Variants in EDA observed in about 807,000 individuals in gnomAD.
EDA encodes ectodysplasin-A.
EDA carries 2 observed loss-of-function variants against 23.6 expected under a neutral mutation model. The ratio of observed to expected loss-of-function variants is 0.08; its 90% CI spans 0.03 to 0.27. The LOEUF (loss-of-function observed/expected upper bound fraction) is 0.27, where lower values mean the gene tolerates loss of function less well. Among genes scored for constraint, EDA ranks in the 10% least tolerant of loss-of-function variants. The probability of loss-of-function intolerance (pLI) is 1.00; values close to 1 mark genes in which losing one functional copy is unlikely to be tolerated. For missense variants in EDA, 229 were observed against 324.2 expected (o/e 0.71, Z 2.26); for synonymous variants, 131 against 132.0 (o/e 0.99, Z 0.05).
chrX:70,025,426 A>G (rs73226497), intron 3 of EDA, among the ~76,000 whole-genome samples: 18,988 of 110,550 alleles, frequency 0.17, 1,625 homozygotes, highest in Middle Eastern at 0.33. Context: ...AAACCTTACA[A>G]CCAGGCTAAG....
chrX:69,758,527 A>G (rs373834396), intron 1 of EDA, among the ~76,000 whole-genome samples: 2 of 112,601 alleles, frequency 1.8e-5, no homozygotes, highest in African/African-American at 3.2e-5. Context: ...ATGCTTAAGT[A>G]CAAACTTAAA....
At chrX:69,728,509 T>A (rs1266287687) in intron 1 of EDA, among the ~76,000 whole-genome samples, 2 of 112,179 alleles carry the variant, frequency 1.8e-5, no homozygotes, top group East Asian at 2.8e-4. Flanking sequence ...TATTCAGGGA[T>A]CAAATATAAT....
At chrX:69,736,096 C>T (rs371632360) in intron 1 of EDA, among the ~76,000 whole-genome samples, 2 of 108,871 alleles carry the variant, frequency 1.8e-5, no homozygotes, top group South Asian at 4.2e-4. Context: ...CACCTGAGGT[C>T]GGGAGTTCAA....
chrX:69,788,674 G>C (rs966253049), intron 1 of EDA, among the ~76,000 whole-genome samples: 2 of 112,468 alleles, frequency 1.8e-5, no homozygotes, highest in Non-Finnish European at 3.8e-5. Flanking sequence ...TGCGTGCTGG[G>C]AGAACCACTG....
intron 1 of EDA, among the ~76,000 whole-genome samples, chrX:69,707,956 TGG>T (rs1489427420): frequency 3.6e-5 from 4 of 111,396 alleles, no homozygotes; most frequent in Non-Finnish European, 7.5e-5. Flanking sequence ...AACAAATTTG[TGG>T]AGCCCAGAAT....
At chrX:70,033,620 T>G in intron 7 of EDA, 92 bp downstream of exon 7, 1 of 1,043,362 alleles carries the variant, frequency 9.6e-7, no homozygotes. Context: ...GCCAAGACCA[T>G]CCAATGGCTA....
At chrX:69,714,748 G>A (rs1039166086) in intron 1 of EDA, among the ~76,000 whole-genome samples, 5 of 111,283 alleles carry the variant, frequency 4.5e-5, no homozygotes, top group African/African-American at 1.6e-4. Flanking sequence ...GGAGCTGTAT[G>A]TCTACCCTCC....
intron 1 of EDA, among the ~76,000 whole-genome samples, chrX:69,856,169 C>T (rs1350285701): frequency 9.1e-6 from 1 of 109,886 alleles, no homozygotes; most frequent in Non-Finnish European, 1.9e-5. Context: ...TGAGTTACTT[C>T]ACTTAGAATG....
intron 1 of EDA, among the ~76,000 whole-genome samples, chrX:69,789,516 C>T (rs182618507): frequency 2.7e-5 from 3 of 112,015 alleles, no homozygotes; most frequent in East Asian, 5.6e-4. Context: ...CTATTTCATC[C>T]GTATCCACGG....
chrX:69,865,088 G>C (rs1898183053), intron 1 of EDA, among the ~76,000 whole-genome samples: 1 of 110,765 alleles, frequency 9.0e-6, no homozygotes, highest in African/African-American at 3.3e-5. Context: ...CAAGGACACA[G>C]AGAAATGCAA....
At chrX:69,726,187 A>G (rs1249313038) in intron 1 of EDA, among the ~76,000 whole-genome samples, 3 of 112,194 alleles carry the variant, frequency 2.7e-5, no homozygotes, top group Non-Finnish European at 5.6e-5. Context: ...TATAAGTGGT[A>G]CAAGGCAAAA....
chrX:70,034,831 G>C (rs954762558), intron 7 of EDA, among the ~76,000 whole-genome samples: 6 of 111,961 alleles, frequency 5.4e-5, no homozygotes, highest in Non-Finnish European at 9.4e-5. Context: ...GGGGAGTCCA[G>C]GCCCAGGGGA....
chrX:69,832,666 C>T (rs1171184240), intron 1 of EDA, among the ~76,000 whole-genome samples: 14 of 111,549 alleles, frequency 1.3e-4, no homozygotes, highest in East Asian at 8.5e-4. Context: ...TCTTCCTATC[C>T]GTGAGCATGG....
intron 2 of EDA, among the ~76,000 whole-genome samples, chrX:69,981,283 C>T (rs1311991152): frequency 9.0e-6 from 1 of 111,396 alleles, no homozygotes; most frequent in East Asian, 2.8e-4. Flanking sequence ...TATTTCTACA[C>T]TCCTGTACCA....
chrX:69,670,853 G>A (rs943497), intron 1 of EDA, among the ~76,000 whole-genome samples: 1,720 of 111,371 alleles, frequency 0.015, 30 homozygotes, highest in African/African-American at 0.054. Flanking sequence ...ATCTTCTGTG[G>A]TATCTTGCTG....
Position 69,768,373 on chromosome X carries a change from T to C in EDA, c.396+151669T>C, listed in dbSNP as rs750939221. On this transcript the variant is annotated intron_variant, in intron 1 of 7. Coordinates refer to ENST00000374552, the MANE Select transcript of EDA (RefSeq NM_001399.5). ...CATATTGACTTAATGTTTTATACAA[T>C]GTGTAGTAAGTGCCAAGGTGTCTTT... Among the ~76,000 whole-genome samples, 5 of 112,089 alleles carry C rather than the reference T, an allele frequency of 4.5e-5. No individual in the cohort carries two copies. The South Asian group carries it at 1.8e-3, about 41-fold the overall frequency.
At chrX:69,628,245 G>A (rs1447897015) in intron 1 of EDA, among the ~76,000 whole-genome samples, 7 of 112,055 alleles carry the variant, frequency 6.2e-5, no homozygotes, top group Non-Finnish European at 9.4e-5. Context: ...ACAAGGCTCT[G>A]TACCTAGAAA....
intron 2 of EDA, among the ~76,000 whole-genome samples, chrX:70,022,116 T>C (rs2020041837): frequency 9.1e-6 from 1 of 110,179 alleles, no homozygotes; most frequent in Admixed American, 9.7e-5. Context: ...ATGAAGAGAA[T>C]TTATTTCCTA....
intron 1 of EDA, among the ~76,000 whole-genome samples, chrX:69,949,876 C>G (rs1336341455): frequency 9.0e-6 from 1 of 111,496 alleles, no homozygotes; most frequent in Non-Finnish European, 1.9e-5. Context: ...GCTGGGAAAA[C>G]TGGCTAGCCA....
Sources: allele counts gnomAD v4.1 joint callset (sites outside exome capture counted in the v4.1 genomes callset), GRCh38; gene constraint gnomAD v4.1.1; transcripts MANE v1.5; gene names NCBI Gene and HGNC (gene_info 2026-07-23, HGNC 2026-07-21).